The following DBF4B variants were observed in gnomAD, a reference collection of about 807,000 sequenced individuals.
The protein encoded by DBF4B is DBF4B-CDC7 kinase regulatory subunit.
Under a neutral mutation model 53.4 loss-of-function variants are expected in DBF4B, and 49 were observed. That is an observed-to-expected ratio of 0.92 (90% CI 0.73 to 1.16). DBF4B has a LOEUF of 1.16. Ranked by LOEUF, DBF4B falls within the 50% of genes most tolerant of loss-of-function variation. The pLI, the probability that DBF4B is intolerant of heterozygous loss-of-function variation, is 0.00. For synonymous variants in DBF4B, 257 were observed against 288.7 expected (o/e 0.89, Z 1.11); for missense variants, 692 against 775.0 (o/e 0.89, Z 1.27).
intron 2 of DBF4B, among the ~76,000 whole-genome samples, chr17:44,719,437 TCA>T (rs1973631655): frequency 6.6e-6 from 1 of 152,278 alleles, no homozygotes; most frequent in African/African-American, 2.4e-5. Context: ...TAGCAGCCAC[TCA>T]CAAATTTCTC....
At chr17:44,710,782 A>AG (rs1972798201) in intron 2 of DBF4B, among the ~76,000 whole-genome samples, 1 of 151,922 alleles carries the variant, frequency 6.6e-6, no homozygotes, top group African/African-American at 2.4e-5. Flanking sequence ...CATGTTGCCC[A>AG]GGCCGGTCTT....
At chr17:44,748,124 C>T (rs952886527) in intron 12 of DBF4B, among the ~76,000 whole-genome samples, 1 of 152,188 alleles carries the variant, frequency 6.6e-6, no homozygotes, top group South Asian at 2.1e-4. Context: ...TCTGGCCGGC[C>T]CCAACCACAG....
chr17:44,714,211 A>G (rs1426793542), intron 2 of DBF4B, among the ~76,000 whole-genome samples: 3 of 152,126 alleles, frequency 2.0e-5, no homozygotes, highest in African/African-American at 7.2e-5. Flanking sequence ...ATAAAAGATT[A>G]CATATTGGGT....
chr17:44,741,599 C>CT (rs1976037168), intron 10 of DBF4B, 147 bp downstream of exon 10: 3 of 555,854 alleles, frequency 5.4e-6, no homozygotes, highest in Non-Finnish European at 9.6e-6. Context: ...AGAAGAGAGA[C>CT]TAGGAGCGTT....
intron 10 of DBF4B, among the ~76,000 whole-genome samples, chr17:44,742,388 T>A (rs540824479): frequency 7.2e-6 from 1 of 138,478 alleles, no homozygotes; most frequent in South Asian, 2.3e-4. Context: ...TCAGCCTGGG[T>A]GATAGAGCGA....
intron 7 of DBF4B, 79 bp downstream of exon 7, chr17:44,734,242 C>A: frequency 6.4e-7 from 1 of 1,557,794 alleles, no homozygotes; most frequent in Non-Finnish European, 8.8e-7. Context: ...ATCCATGGCC[C>A]ACCCAAACCA....
Position 44,750,992 on chromosome 17 carries a change from G to A in DBF4B, c.1587G>A (p.Leu529=). Residue 529 remains leucine, a synonymous_variant, in exon 14 of 14, where the codon CTG becomes CTA. Transcript: ENST00000315005. ...TCATTCCCCATGACACCACCCCTCT[G>A]CATGAGGAAGTTTCCCCTTGCCCCT... ...GCLIPHDTTP[L]HEEVSPCPCL... 6.2e-7 allele frequency: 1 copy of A among 1,614,124 alleles called. No individual in the cohort carries two copies. Among genetic ancestry groups the A allele is most frequent in the African/African-American group, 1.3e-5 (1 of 75,006 alleles).
intron 2 of DBF4B, among the ~76,000 whole-genome samples, chr17:44,710,117 G>T (rs1011810723): frequency 1.3e-5 from 2 of 151,862 alleles, no homozygotes; most frequent in African/African-American, 4.8e-5. Flanking sequence ...AGGTTGCAGC[G>T]AGCCGAGATT....
At chr17:44,741,474 G>A in intron 10 of DBF4B, 22 bp downstream of exon 10, 1 of 1,525,538 alleles carries the variant, frequency 6.6e-7, no homozygotes, top group Non-Finnish European at 9.0e-7. Context: ...TGGTTCCTGA[G>A]TACCAAGGGC....
At chr17:44,717,054 C>T (rs1243440024) in intron 2 of DBF4B, among the ~76,000 whole-genome samples, 1 of 152,112 alleles carries the variant, frequency 6.6e-6, no homozygotes, top group Non-Finnish European at 1.5e-5. Flanking sequence ...TTGTATTCAT[C>T]TTCCACATTT....
intron 10 of DBF4B, among the ~76,000 whole-genome samples, chr17:44,746,093 G>A (rs188978627): frequency 7.3e-5 from 11 of 151,502 alleles, no homozygotes; most frequent in Admixed American, 2.6e-4. Context: ...TTAGCCAGGC[G>A]TGGTGGTGTG....
At chr17:44,723,166 G>GTA in intron 3 of DBF4B, 144 bp downstream of exon 3, 3 of 1,158,810 alleles carry the variant, frequency 2.6e-6, no homozygotes, top group Non-Finnish European at 3.5e-6. Context: ...GAGTGCAGTG[G>GTA]CATGATCTCA....
chr17:44,748,198 G>A (rs1489076442), intron 12 of DBF4B, 143 bp from the exon 13 acceptor site: 15 of 1,118,652 alleles, frequency 1.3e-5, no homozygotes, highest in Admixed American at 4.7e-5. Flanking sequence ...CCAAACAGGA[G>A]GACTTTCACA....
intron 2 of DBF4B, among the ~76,000 whole-genome samples, chr17:44,713,930 T>C (rs1423509607): frequency 6.6e-6 from 1 of 151,534 alleles, no homozygotes; most frequent in Non-Finnish European, 1.5e-5. Context: ...TTTGCCTCTT[T>C]CCTGTGTTGG....
chr17:44,729,954 G>T lies in DBF4B; in HGVS notation c.275G>T (p.Arg92Leu), dbSNP rs140298749. The change falls in exon 4 of 14, where the codon CGC (arginine) becomes CTC (leucine). Residue 92 changes from arginine (R) to leucine (L), a missense_variant. Coordinates refer to ENST00000315005, the MANE Select transcript of DBF4B (RefSeq NM_145663.3). Reference sequence around the variant, plus strand: ...GAAGTAAGTTACATCGTGTCCAGCCGCAGAGAAGTAAAGGCAGAGAGCAGT... The same window carrying T: ...GAAGTAAGTTACATCGTGTCCAGCCTCAGAGAAGTAAAGGCAGAGAGCAGT... ...SKEVSYIVSS[R>L]REVKAESSGK... The T allele has an allele frequency of 4.7e-4, 758 of 1,613,988 alleles. 8 individuals carry two copies. The African/African-American group carries it at 9.2e-3, about 20-fold the overall frequency.
intron 7 of DBF4B, among the ~76,000 whole-genome samples, chr17:44,735,214 A>G (rs1006606787): frequency 1.3e-5 from 2 of 152,224 alleles, no homozygotes; most frequent in African/African-American, 4.8e-5. Context: ...TTCAAAATTC[A>G]AAAGGGTATA....
At position 44,752,050 on chromosome 17, in the gene DBF4B, G is replaced by C. The variant is rs1182184274; in HGVS notation, c.*797G>C. On this transcript the variant is annotated 3_prime_UTR_variant, in exon 14 of 14. Transcript: ENST00000315005. The stretch of plus-strand genomic sequence containing the variant: ...CAGGCCTTTGTTCTTGCCTCTTCTC[G>C]CTGAGCCTTTCACTTCTCGGCAGAT... The C allele has an allele frequency of 1.4e-5, 21 of 1,455,112 alleles. No individual in the cohort carries two copies. The highest frequency in any genetic ancestry group is 3.4e-4 in the Middle Eastern group (2 of 5,834). 90.1% of individuals were successfully genotyped at this position (1,455,112 alleles called of 1,614,324 possible).
chr17:44,715,812 C>CTTTTTTTTTTTTT lies in DBF4B; in HGVS notation c.82+6462_82+6474dup, dbSNP rs869200833. Among the ~76,000 whole-genome samples the CTTTTTTTTTTTTT allele has an allele frequency of 4.5e-4, 25 of 55,538 alleles. 1 individual carries two copies. The highest frequency in any genetic ancestry group is 6.6e-4 in the South Asian group (1 of 1,522). The allele number at this position is 55,538 out of a possible 152,430, so 36.4% of individuals were successfully genotyped here. On this transcript the variant is annotated intron_variant, in intron 2 of 13. Coordinates refer to ENST00000315005, the MANE Select transcript of DBF4B (RefSeq NM_145663.3). ...GTTAGCCTAATTTCTTTCTTTCTTT[C>CTTTTTTTTTTTTT]TTTTTTTTTTTTTTTTTTTTTTTTT... is the stretch of plus-strand genomic sequence containing the variant.
intron 10 of DBF4B, 21 bp downstream of exon 10, chr17:44,741,473 A>G (rs1400530569): frequency 6.6e-7 from 1 of 1,526,314 alleles, no homozygotes; most frequent in Admixed American, 1.8e-5. Context: ...CTGGTTCCTG[A>G]GTACCAAGGG....
Sources: gnomAD v4.1 joint callset for allele counts (sites outside exome capture counted in the v4.1 genomes callset) on GRCh38, gnomAD v4.1.1 for gene constraint, MANE v1.5 for transcripts, NCBI Gene and HGNC (gene_info 2026-07-23, HGNC 2026-07-21) for gene names.